ANK3: variants seen among roughly 807,000 people sequenced by gnomAD.
ANK3 encodes the protein ankyrin 3.
A neutral mutation model predicts 370.9 loss-of-function variants in ANK3; 57 were observed. The ratio of observed to expected loss-of-function variants is 0.15; its 90% CI spans 0.12 to 0.19. The LOEUF (loss-of-function observed/expected upper bound fraction) is 0.19, where lower values mean the gene tolerates loss of function less well. ANK3 is among the 10% of genes least tolerant of loss of function. The pLI is 1.00. For synonymous variants in ANK3, 1,929 were observed against 1,946.3 expected (o/e 0.99, Z 0.23); for missense variants, 4,439 against 5,302.1 (o/e 0.84, Z 5.06).
intron 12 of ANK3, among the ~76,000 whole-genome samples, chr10:60,201,348 T>A (rs2096670492): frequency 6.6e-6 from 1 of 152,220 alleles, no homozygotes; most frequent in Non-Finnish European, 1.5e-5. Flanking sequence ...ACTCTCAGGG[T>A]AAGCGTGCAG....
At chr10:60,299,518 T>C (rs978973858) in intron 1 of ANK3, among the ~76,000 whole-genome samples, 1 of 152,304 alleles carries the variant, frequency 6.6e-6, no homozygotes, top group East Asian at 1.9e-4. Flanking sequence ...CAGAGTTAGA[T>C]ACACTGATGT....
intron 2 of ANK3, among the ~76,000 whole-genome samples, chr10:60,567,716 G>T (rs2077496841): frequency 1.3e-5 from 2 of 152,278 alleles, no homozygotes; most frequent in South Asian, 4.1e-4. Flanking sequence ...ATATCTTTTG[G>T]AAAGGATTCA....
At chr10:60,140,545 T>C in intron 23 of ANK3, 1 of 1,408,924 alleles carries the variant, frequency 7.1e-7, no homozygotes, top group Non-Finnish European at 9.2e-7. Context: ...AATTGAGGAA[T>C]TATACATCTT....
chr10:60,655,808 C>A (rs190677345), intron 1 of ANK3, among the ~76,000 whole-genome samples: 1 of 152,270 alleles, frequency 6.6e-6, no homozygotes, highest in East Asian at 1.9e-4. Flanking sequence ...ATGGGAAGTG[C>A]CCTACACAGG....
chr10:60,034,105 G>GTT (rs2074367662), intron 43 of ANK3, among the ~76,000 whole-genome samples: 1 of 131,012 alleles, frequency 7.6e-6, no homozygotes, highest in South Asian at 2.5e-4. Context: ...TTTGTTTTTT[G>GTT]GTTTTTTTTT....
At chr10:60,040,547 C>T (rs1260360170) in intron 43 of ANK3, among the ~76,000 whole-genome samples, 2 of 152,168 alleles carry the variant, frequency 1.3e-5, no homozygotes, top group African/African-American at 2.4e-5. Flanking sequence ...ATCTACCCAA[C>T]GTTCTCTCTC....
chr10:60,695,821 G>C (rs531611564), intron 1 of ANK3, among the ~76,000 whole-genome samples: 6 of 151,916 alleles, frequency 3.9e-5, no homozygotes, highest in East Asian at 1.9e-4. Flanking sequence ...AATTGACACC[G>C]TAACATCACA....
At chr10:60,414,517 T>C (rs1443013912) in intron 2 of ANK3, among the ~76,000 whole-genome samples, 1 of 151,738 alleles carries the variant, frequency 6.6e-6, no homozygotes, top group Non-Finnish European at 1.5e-5. Flanking sequence ...ACAAAAAAGG[T>C]GGTATATACA....
At chr10:60,733,038 C>G (rs2080047576) in intron 1 of ANK3, among the ~76,000 whole-genome samples, 1 of 151,816 alleles carries the variant, frequency 6.6e-6, no homozygotes, top group Non-Finnish European at 1.5e-5. Flanking sequence ...CGAGTTCGAG[C>G]TCTCGCCTCT....
intron 18 of ANK3, among the ~76,000 whole-genome samples, chr10:60,177,686 T>C (rs2096014021): frequency 6.8e-6 from 1 of 147,266 alleles, no homozygotes. Flanking sequence ...CGAGCTCTGC[T>C]TCCTGGGTTC....
intron 2 of ANK3, among the ~76,000 whole-genome samples, chr10:60,404,532 A>G (rs773342306): frequency 1.6e-4 from 25 of 152,162 alleles, no homozygotes; most frequent in Non-Finnish European, 3.4e-4. Flanking sequence ...CATATGAATA[A>G]ATATAAACCT....
chr10:60,702,194 A>G lies in ANK3; in HGVS notation c.57+31069T>C, dbSNP rs2079553769. On this transcript the variant is annotated intron_variant, in intron 1 of 43. Coordinates refer to the ANK3 transcript ENST00000373827. Reference sequence around the variant, plus strand: ...GGTAGGAGAATCACTTGAGCCCAGGAGGGTGAGGCTGCAAAAAGCTGTGAT... The same window carrying G: ...GGTAGGAGAATCACTTGAGCCCAGGGGGGTGAGGCTGCAAAAAGCTGTGAT... Among the ~76,000 whole-genome samples, 5 of 151,398 alleles carry G rather than the reference A, an allele frequency of 3.3e-5. No individual in the cohort carries two copies. The South Asian group carries it at 6.3e-4, about 19-fold the overall frequency.
intron 2 of ANK3, among the ~76,000 whole-genome samples, chr10:60,414,715 T>G (rs2063625822): frequency 6.6e-6 from 1 of 152,170 alleles, no homozygotes; most frequent in African/African-American, 2.4e-5. Context: ...TATTACTGGA[T>G]GTCCAAACAA....
At chr10:60,625,346 G>C (rs754547728) in intron 1 of ANK3, among the ~76,000 whole-genome samples, 4 of 152,150 alleles carry the variant, frequency 2.6e-5, no homozygotes, top group Non-Finnish European at 5.9e-5. Context: ...GGGATAGTTT[G>C]TTATGTGGTA....
intron 23 of ANK3, chr10:60,145,914 T>C (rs1425212140): frequency 8.5e-6 from 6 of 707,826 alleles, no homozygotes; most frequent in Middle Eastern, 2.3e-4. Flanking sequence ...AGAGCAGTGA[T>C]TGCCTTTCAA....
chr10:60,367,876 C>T (rs1032858936), intron 1 of ANK3, among the ~76,000 whole-genome samples: 1 of 152,248 alleles, frequency 6.6e-6, no homozygotes, highest in South Asian at 2.1e-4. Context: ...TTCTCTTGAT[C>T]CCCAATATTA....
intron 7 of ANK3, among the ~76,000 whole-genome samples, chr10:60,255,978 C>T (rs2097728999): frequency 6.6e-6 from 1 of 152,118 alleles, no homozygotes; most frequent in South Asian, 2.1e-4. Flanking sequence ...ATGAGATAGA[C>T]TCTGCAACAC....
chr10:60,543,419 A>G lies in ANK3; in HGVS notation c.96+71767T>C, dbSNP rs2076894772. 2.0e-5 allele frequency among the ~76,000 whole-genome samples: 3 copies of G among 152,094 alleles called. No individual in the cohort carries two copies. The South Asian group carries it at 6.2e-4, about 31-fold the overall frequency. ...GTGACCCAAATGTCTATTAATAGGC[A>G]AATGGCTAAAGTATTTAAATAAAGT... On this transcript the variant is annotated intron_variant, in intron 2 of 43. Transcript: ENST00000373827.
intron 33 of ANK3, among the ~76,000 whole-genome samples, chr10:60,083,175 G>A (rs185949096): frequency 2.6e-4 from 40 of 152,248 alleles, no homozygotes; most frequent in Admixed American, 2.2e-3. Context: ...TACTGTATTT[G>A]CATTTCATCC....
Sources: allele counts gnomAD v4.1 joint callset (sites outside exome capture counted in the v4.1 genomes callset), GRCh38; gene constraint gnomAD v4.1.1; transcripts MANE v1.5; gene names NCBI Gene and HGNC (gene_info 2026-07-23, HGNC 2026-07-21).